Variants in RSU1 observed in about 807,000 individuals in gnomAD.
RSU1 encodes Ras suppressor protein 1.
RSU1 carries 26 observed loss-of-function variants against 31.1 expected under a neutral mutation model. The observed-to-expected ratio is 0.84, with a 90% CI of 0.61 to 1.16. The LOEUF is 1.16. Ranked by LOEUF, RSU1 falls within the 50% of genes most tolerant of loss-of-function variation. RSU1 has a pLI of 0.00. For missense variants in RSU1, 320 were observed against 339.1 expected (o/e 0.94, Z 0.44); for synonymous variants, 164 against 136.3 (o/e 1.20, Z -1.41).
chr10:16,722,999 CAT>C (rs763381520), intron 7 of RSU1: 3 of 107,812 alleles, frequency 2.8e-5, no homozygotes, highest in South Asian at 3.2e-4. Flanking sequence ...TACATATATG[CAT>C]ATAGACACAA....
chr10:16,669,944 T>C (rs575641754), intron 8 of RSU1, among the ~76,000 whole-genome samples: 5 of 152,356 alleles, frequency 3.3e-5, no homozygotes, highest in African/African-American at 1.2e-4. Context: ...TGGTATTTAA[T>C]AGCATATAGT....
At chr10:16,617,967 G>A (rs1834007024) in intron 8 of RSU1, among the ~76,000 whole-genome samples, 1 of 152,280 alleles carries the variant, frequency 6.6e-6, no homozygotes, top group African/African-American at 2.4e-5. Context: ...GGCAACAAAA[G>A]CCAAAATAGA....
intron 2 of RSU1, among the ~76,000 whole-genome samples, chr10:16,784,987 T>C (rs983571090): frequency 6.6e-6 from 1 of 152,172 alleles, no homozygotes; most frequent in Non-Finnish European, 1.5e-5. Flanking sequence ...TCTATCACTA[T>C]ACAGTACAAA....
At chr10:16,815,597 T>C (rs1408222246) in intron 2 of RSU1, among the ~76,000 whole-genome samples, 1 of 152,182 alleles carries the variant, frequency 6.6e-6, no homozygotes, top group Non-Finnish European at 1.5e-5. Flanking sequence ...CTCCAGGCAC[T>C]ATTATTAAAA....
intron 2 of RSU1, among the ~76,000 whole-genome samples, chr10:16,810,304 T>C (rs746416730): frequency 9.2e-5 from 14 of 152,156 alleles, no homozygotes; most frequent in Admixed American, 6.5e-5. Context: ...GGTTACATAA[T>C]GCCTATCATA....
chr10:16,601,259 T>A (rs949341850), intron 8 of RSU1, among the ~76,000 whole-genome samples: 1 of 152,188 alleles, frequency 6.6e-6, no homozygotes, highest in African/African-American at 2.4e-5. Context: ...AATGCTAAGT[T>A]ATTTTGACAT....
chr10:16,769,155 C>T (rs1476764369), intron 3 of RSU1, among the ~76,000 whole-genome samples: 3 of 152,184 alleles, frequency 2.0e-5, no homozygotes, highest in Non-Finnish European at 4.4e-5. Flanking sequence ...TTGTAACAAT[C>T]GCAGTTTCAA....
rs1424925346 is a variant in RSU1, at chr10:16,752,947, C to T, written c.454G>A (p.Asp152Asn). ...TGCAACTTTGTGAGCTTCCCAATAT[C>T]TGGCGGCAGGATTTCAAAATCGTTG... Reference protein sequence around the residue: ...SDNDFEILPPDIGKLTKLQIL... With the variant: ...SDNDFEILPPNIGKLTKLQIL... Residue 152 changes from aspartate to asparagine, a missense_variant, in exon 6 of 9, where the codon GAT (aspartate) becomes AAT (asparagine). By Grantham distance (23) the Asp-to-Asn change is conservative. Coordinates refer to ENST00000345264, the MANE Select transcript of RSU1 (RefSeq NM_012425.4). 1.2e-6 allele frequency: 2 copies of T among 1,613,864 alleles called. No homozygotes were observed. The highest frequency in any genetic ancestry group is 1.7e-5 in the Admixed American group (1 of 59,994).
At chr10:16,738,386 G>A (rs1836681122) in intron 7 of RSU1, among the ~76,000 whole-genome samples, 2 of 152,162 alleles carry the variant, frequency 1.3e-5, no homozygotes, top group Admixed American at 1.3e-4. Flanking sequence ...AGGAGGCGGA[G>A]CATGCAGTGA....
At chr10:16,624,114 C>G (rs1440713968) in intron 8 of RSU1, among the ~76,000 whole-genome samples, 1 of 152,126 alleles carries the variant, frequency 6.6e-6, no homozygotes, top group Non-Finnish European at 1.5e-5. Flanking sequence ...GTGGTCATGT[C>G]AACTACACAT....
chr10:16,654,019 TG>T (rs1834729602), intron 8 of RSU1, among the ~76,000 whole-genome samples: 1 of 152,068 alleles, frequency 6.6e-6, no homozygotes, highest in African/African-American at 2.4e-5. Context: ...CATTTTTTTT[TG>T]AGATGGAGTT....
chr10:16,592,891 T>TGA lies in RSU1; in HGVS notation c.*501_*502dup, dbSNP rs1454377315. The stretch of plus-strand genomic sequence containing the variant: ...CCAAGATCAGACTGTTCTTTTATTC[T>TGA]GAGTCAATAAGTAACATGTGATACA... On this transcript the variant is annotated 3_prime_UTR_variant, in exon 9 of 9. Transcript: ENST00000345264. The TGA allele has an allele frequency of 6.6e-6, 1 of 152,644 alleles. No individual in the cohort carries two copies. Among genetic ancestry groups the TGA allele is most frequent in the Non-Finnish European group, 1.5e-5 (1 of 68,500 alleles). The allele number at this position is 152,644 out of a possible 1,614,324, so 9.5% of individuals were successfully genotyped here.
intron 8 of RSU1, among the ~76,000 whole-genome samples, chr10:16,690,829 G>C (rs527459703): frequency 6.6e-6 from 1 of 152,182 alleles, no homozygotes; most frequent in African/African-American, 2.4e-5. Flanking sequence ...GAAAAAAGCG[G>C]TTGGGGTGGG....
chr10:16,701,192 G>C (rs1023318952), intron 7 of RSU1, among the ~76,000 whole-genome samples: 10 of 152,096 alleles, frequency 6.6e-5, no homozygotes, highest in Non-Finnish European at 1.0e-4. Context: ...ACATTGAAAG[G>C]GAATGGTCAA....
At chr10:16,733,978 C>G (rs917459373) in intron 7 of RSU1, among the ~76,000 whole-genome samples, 4 of 152,210 alleles carry the variant, frequency 2.6e-5, no homozygotes, top group Admixed American at 2.0e-4. Flanking sequence ...TTAACACTAA[C>G]CATTGATCTT....
intron 3 of RSU1, among the ~76,000 whole-genome samples, chr10:16,769,715 C>T (rs1398150422): frequency 6.6e-6 from 1 of 152,194 alleles, no homozygotes; most frequent in East Asian, 1.9e-4. Flanking sequence ...GGCAGCATCA[C>T]GATTATCAAT....
chr10:16,805,239 T>TG (rs1838241517), intron 2 of RSU1, among the ~76,000 whole-genome samples: 1 of 151,982 alleles, frequency 6.6e-6, no homozygotes, highest in African/African-American at 2.4e-5. Flanking sequence ...GCATCAATAT[T>TG]GGTCCAGCAA....
intron 7 of RSU1, among the ~76,000 whole-genome samples, chr10:16,709,966 C>A (rs113627609): frequency 0.02 from 3,090 of 152,240 alleles, 95 homozygotes; most frequent in African/African-American, 0.069. Flanking sequence ...TGTCTGCAAA[C>A]AGGACAATCT....
At chr10:16,815,851 C>T (rs11812984) in intron 2 of RSU1, among the ~76,000 whole-genome samples, 2,628 of 152,080 alleles carry the variant, frequency 0.017, 59 homozygotes, top group African/African-American at 0.058. Flanking sequence ...CAGGTGCAAA[C>T]GACTGAGAAA....
Sources: gnomAD v4.1 joint callset for allele counts (sites outside exome capture counted in the v4.1 genomes callset) on GRCh38, gnomAD v4.1.1 for gene constraint, MANE v1.5 for transcripts, NCBI Gene and HGNC (gene_info 2026-07-23, HGNC 2026-07-21) for gene names.